USPL1: variants seen among roughly 807,000 people sequenced by gnomAD.
USPL1 encodes the protein ubiquitin specific peptidase like 1.
A neutral mutation model predicts 51.5 loss-of-function variants in USPL1; 27 were observed. The ratio of observed to expected loss-of-function variants is 0.52; its 90% CI spans 0.39 to 0.72. The LOEUF (loss-of-function observed/expected upper bound fraction) is 0.72, where lower values mean the gene tolerates loss of function less well. Ranked by LOEUF, USPL1 falls within the 30% of genes least tolerant of loss-of-function variation. USPL1 has a pLI of 0.00. For synonymous variants in USPL1, 451 were observed against 459.6 expected, an observed-to-expected ratio of 0.98 and a Z score of 0.24; for missense variants, 1,226 against 1,268.0, an observed-to-expected ratio of 0.97 and a Z score of 0.50.
Position 30,620,408 on chromosome 13 carries a change from ACT to A in USPL1, c.-68-662_-68-661del, listed in dbSNP as rs766007097. ...TGAGCTCCGGTCTCTTGTAATTTTT[ACT>A]CTGTTAAATGTGGTTCTGCACCATA... is the stretch of plus-strand genomic sequence containing the variant. On this transcript the variant is annotated intron_variant, in intron 1 of 8. Transcript: ENST00000255304. Among the ~76,000 whole-genome samples, 188 of 152,044 alleles carry A rather than the reference ACT, an allele frequency of 1.2e-3. 1 individual carries two copies. The highest frequency in any genetic ancestry group is 1.7e-3 in the Admixed American group (26 of 15,260).
Position 30,623,143 on chromosome 13 carries a change from A to G in USPL1, c.228+1251A>G, listed in dbSNP as rs143222714. Among the ~76,000 whole-genome samples the G allele has an allele frequency of 2.1e-3, 317 of 152,182 alleles. 6 individuals carry two copies. The highest frequency in any genetic ancestry group is 4.4e-3 in the South Asian group (21 of 4,818). On this transcript the variant is annotated intron_variant, in intron 3 of 8. Coordinates refer to ENST00000255304, the MANE Select transcript of USPL1 (RefSeq NM_005800.5). ...ATAGGATGGTGAGGGGAACGCTTCAATGAAAAGTGCAATTCGAGCAAAAGC... is the reference window on the plus strand; with the variant it reads ...ATAGGATGGTGAGGGGAACGCTTCAGTGAAAAGTGCAATTCGAGCAAAAGC...
At chr13:30,656,335 C>T (rs1259339077) in intron 8 of USPL1, among the ~76,000 whole-genome samples, 2 of 152,098 alleles carry the variant, frequency 1.3e-5, no homozygotes, top group African/African-American at 2.4e-5. Context: ...TCAACCCAAA[C>T]AGAAACTACT....
intron 5 of USPL1, 101 bp downstream of exon 5, chr13:30,637,958 A>G: frequency 2.1e-6 from 2 of 964,746 alleles, no homozygotes; most frequent in Non-Finnish European, 3.2e-6. Flanking sequence ...TTGGATGATC[A>G]TATTCTTGGG....
chr13:30,631,576 T>G, intron 4 of USPL1, 102 bp downstream of exon 4: 1 of 1,207,868 alleles, frequency 8.3e-7, no homozygotes, highest in Non-Finnish European at 1.1e-6. Flanking sequence ...TCATGTCTCC[T>G]TGCAGCCTTG....
chr13:30,655,978 T>C (rs541690537), intron 8 of USPL1, among the ~76,000 whole-genome samples: 1 of 152,166 alleles, frequency 6.6e-6, no homozygotes, highest in East Asian at 1.9e-4. Flanking sequence ...GATATTGATA[T>C]ATACAGTGGA....
chr13:30,658,852 G>A lies in USPL1; in HGVS notation c.2775G>A (p.Gln925=). The A allele has an allele frequency of 6.2e-7, 1 of 1,613,958 alleles. No individual in the cohort carries two copies. Among genetic ancestry groups the A allele is most frequent in the Non-Finnish European group, 8.5e-7 (1 of 1,180,032 alleles). ...VRSENLEQVP[Q]DGSPNDCESI... is the part of the protein sequence containing the mutation. ...GTGAAAATCTAGAACAGGTGCCCCA[G>A]GATGGGTCTCCAAATGATTGTGAAT... Residue 925 remains glutamine (Q), a synonymous_variant, in exon 9 of 9, where the codon CAG becomes CAA. Coordinates refer to ENST00000255304, the MANE Select transcript of USPL1 (RefSeq NM_005800.5).
At chr13:30,644,872 T>C (rs988524929) in intron 6 of USPL1, among the ~76,000 whole-genome samples, 9 of 152,340 alleles carry the variant, frequency 5.9e-5, no homozygotes, top group African/African-American at 2.2e-4. Flanking sequence ...GAATTAACGT[T>C]TTATTCATAC....
chr13:30,641,923 T>TA (rs1298360981), intron 5 of USPL1, among the ~76,000 whole-genome samples: 1 of 151,730 alleles, frequency 6.6e-6, no homozygotes, highest in East Asian at 1.9e-4. Flanking sequence ...TTTTTTTTTT[T>TA]AGAGACGAGG....
rs1951234142 is a variant in USPL1, at chr13:30,659,893, CG to C, written c.*538del. The C allele has an allele frequency of 6.5e-6, 1 of 153,208 alleles. No individual in the cohort carries two copies. Among genetic ancestry groups the C allele is most frequent in the African/African-American group, 2.4e-5 (1 of 41,448 alleles). 9.5% of individuals were successfully genotyped at this position (153,208 alleles called of 1,614,324 possible). On this transcript the variant is annotated 3_prime_UTR_variant, in exon 9 of 9. Transcript: ENST00000255304. The stretch of plus-strand genomic sequence containing the variant: ...AGCTCCCCTGTGTCGGCGGGCAGGT[CG>C]TCCCTCAAGTGTTCAGCTCTCAGCA...
intron 3 of USPL1, among the ~76,000 whole-genome samples, chr13:30,624,081 G>A (rs1205741295): frequency 1.3e-5 from 2 of 152,144 alleles, no homozygotes; most frequent in Non-Finnish European, 2.9e-5. Flanking sequence ...TGTGGGATTG[G>A]CATCTGAAGT....
chr13:30,658,515 A>G lies in USPL1; in HGVS notation c.2438A>G (p.Lys813Arg), dbSNP rs1376806781. Residue 813 changes from lysine to arginine, a missense_variant, in exon 9 of 9, where the codon AAG becomes AGG. Coordinates refer to ENST00000255304, the MANE Select transcript of USPL1 (RefSeq NM_005800.5). ...AACCAGAAGGCCAGCCACGTATCCA[A>G]GAAAGCTCGTAAGAGTGCAAGTAAG... The part of the protein sequence containing the change: ...GINQKASHVS[K>R]KARKSASKPP... 3.1e-6 allele frequency: 5 copies of G among 1,613,960 alleles called. No homozygotes were observed. The highest frequency in any genetic ancestry group is 2.2e-5 in the East Asian group (1 of 44,896).
intron 6 of USPL1, among the ~76,000 whole-genome samples, chr13:30,645,934 CACTT>C (rs971803084): frequency 2.6e-5 from 4 of 152,354 alleles, no homozygotes; most frequent in Admixed American, 6.5e-5. Context: ...GGAGAATTAA[CACTT>C]ACTTGCTGAG....
rs776615555 is a variant in USPL1, at chr13:30,621,906, C to G, written c.228+14C>G. ...GAGGATCTGCAGGTAAAGTATTAATCTTATATAGTATATATAAGATTTTTC... is the reference window on the plus strand; with the variant it reads ...GAGGATCTGCAGGTAAAGTATTAATGTTATATAGTATATATAAGATTTTTC... On this transcript the variant is annotated intron_variant, in intron 3 of 8. Coordinates refer to ENST00000255304, the MANE Select transcript of USPL1 (RefSeq NM_005800.5). 1 of 1,472,430 alleles carries G rather than the reference C, an allele frequency of 6.8e-7. No homozygotes were observed. Among genetic ancestry groups the G allele is most frequent in the African/African-American group, 1.5e-5 (1 of 68,556 alleles). The allele number at this position is 1,472,430 out of a possible 1,614,324, so 91.2% of individuals were successfully genotyped here. A position where few individuals can be genotyped will look rare whatever the true frequency, so the allele number is the denominator to read the frequency against.
In USPL1 at chr13:30,631,305, T is replaced by C. The variant is rs1423160407; in HGVS notation, c.699T>C (p.Tyr233=). The change falls in exon 4 of 9, where the codon TAT becomes TAC. Residue 233 remains tyrosine (Y), a synonymous_variant. Coordinates refer to ENST00000255304, the MANE Select transcript of USPL1 (RefSeq NM_005800.5). ...TATGTGTCCAGTGGAAAAATGCTTATGCTCTCTGTTGGTTAGACTGTATCC... is the reference window on the plus strand; with the variant it reads ...TATGTGTCCAGTGGAAAAATGCTTACGCTCTCTGTTGGTTAGACTGTATCC... ...QALCVQWKNA[Y]ALCWLDCILS... 2 of 1,614,204 alleles carry C rather than the reference T, an allele frequency of 1.2e-6. No homozygotes were observed. The highest frequency in any genetic ancestry group is 2.2e-5 in the East Asian group (1 of 44,886).
Position 30,658,742 on chromosome 13 carries a change from C to T in USPL1, c.2665C>T (p.Arg889Cys), listed in dbSNP as rs750978319. ...GGTGGAAGGTCAGATTCATAAACTT[C>T]GTCTAAAACTTCGTAAAAAGCTAAA... Reference protein sequence around the residue: ...DLVEGQIHKLRLKLRKKLKAE... With the variant: ...DLVEGQIHKLCLKLRKKLKAE... Residue 889 changes from arginine (R) to cysteine (C), a missense_variant, in exon 9 of 9, where the codon CGT (arginine) becomes TGT (cysteine). Physicochemically the swap from Arg to Cys is radical, Grantham distance 180 (BLOSUM62 -3). Transcript: ENST00000255304. 5 of 1,614,102 alleles carry T rather than the reference C, an allele frequency of 3.1e-6. No homozygotes were observed. Among genetic ancestry groups the T allele is most frequent in the South Asian group, 1.1e-5 (1 of 91,070 alleles).
chr13:30,655,698 G>C (rs140275697), intron 8 of USPL1, among the ~76,000 whole-genome samples: 157 of 152,290 alleles, frequency 1.0e-3, no homozygotes, highest in African/African-American at 3.7e-3. Context: ...AACATAAAAT[G>C]ATGACCACTG....
Position 30,659,027 on chromosome 13 carries a change from G to C in USPL1, c.2950G>C (p.Glu984Gln), listed in dbSNP as rs1332283347. ...ATTGTCTCCTACACCTGTTTCAACA[G>C]AGCTGTCAGAAAATGGGGAAGGTGA... Reference protein sequence around the residue: ...ELLSPTPVSTELSENGEGDFR... With the variant: ...ELLSPTPVSTQLSENGEGDFR... The change falls in exon 9 of 9, where the codon GAG becomes CAG. Residue 984 changes from glutamate (E) to glutamine (Q), a missense_variant. Physicochemically the swap from Glu to Gln is conservative, Grantham distance 29. Transcript: ENST00000255304. The C allele has an allele frequency of 1.2e-6, 2 of 1,614,204 alleles. No individual in the cohort carries two copies. The highest frequency in any genetic ancestry group is 2.2e-5 in the East Asian group (1 of 44,894).
chr13:30,655,283 C>A (rs903488528), intron 8 of USPL1, among the ~76,000 whole-genome samples: 32 of 152,092 alleles, frequency 2.1e-4, no homozygotes, highest in African/African-American at 7.0e-4. Context: ...GTAAATTTTT[C>A]TTTTTGGGGA....
At chr13:30,624,972 T>G (rs11839394) in intron 3 of USPL1, among the ~76,000 whole-genome samples, 248 of 152,356 alleles carry the variant, frequency 1.6e-3, no homozygotes, top group African/African-American at 5.7e-3. Flanking sequence ...ACACACAGTT[T>G]ACTATGGCAT....
Sources: gnomAD v4.1 joint callset for allele counts (sites outside exome capture counted in the v4.1 genomes callset) on GRCh38, gnomAD v4.1.1 for gene constraint, MANE v1.5 for transcripts, NCBI Gene and HGNC (gene_info 2026-07-23, HGNC 2026-07-21) for gene names.